Variants in PRKAR1A observed in about 807,000 individuals in gnomAD.
PRKAR1A encodes the protein protein kinase cAMP-dependent type I regulatory subunit alpha, also known as cAMP-dependent protein kinase type I-alpha regulatory subunit.
A neutral mutation model predicts 52.0 loss-of-function variants in PRKAR1A; 3 were observed. That is an observed-to-expected ratio of 0.06 (90% CI 0.03 to 0.15). The LOEUF is 0.15. Among genes scored for constraint, PRKAR1A ranks in the 10% least tolerant of loss-of-function variants. The pLI, the probability that PRKAR1A is intolerant of heterozygous loss-of-function variation, is 1.00. For missense variants in PRKAR1A, 240 were observed against 477.4 expected (o/e 0.50, Z 4.63); for synonymous variants, 188 against 168.4 (o/e 1.12, Z -0.90).
the PRKAR1A span, chr17:68,426,253 G>GGGGGGGGGGGA: frequency 1.2e-6 from 1 of 841,018 alleles, no homozygotes. Context: ...GGGGAGCGGG[G>GGGGGGGGGGGA]GCTCAAATAA....
chr17:68,541,677 TC>T (rs2086301962), intron 11 of PRKAR1A: 2 of 277,340 alleles, frequency 7.2e-6, no homozygotes, highest in Admixed American at 4.7e-5. Flanking sequence ...TGCTGTGTTT[TC>T]GTGATCTGGC....
At chr17:68,465,625 A>ATTTTTTTTTTT in the PRKAR1A span, among the ~76,000 whole-genome samples, 8,656 of 66,830 alleles carry the variant, frequency 0.13, 1,782 homozygotes, top group Non-Finnish European at 0.15. Flanking sequence ...ACGCCCAGCA[A>ATTTTTTTTTTT]TTTTTTTTTT....
chr17:68,535,305 CATG>C, downstream of PRKAR1A: 1 of 454,072 alleles, frequency 2.2e-6, no homozygotes, highest in Non-Finnish European at 4.4e-6. Context: ...TACCACATAT[CATG>C]GTGAAATTCA....
chr17:68,486,494 CTTCCTTCCTTCCTTCTTTCTTTCT>C, the PRKAR1A span, among the ~76,000 whole-genome samples: 3,460 of 64,306 alleles, frequency 0.054, 53 homozygotes, highest in Non-Finnish European at 0.059. Flanking sequence ...TCCTTCCTTC[CTTCCTTCCTTCCTTCTTTCTTTCT>C]TTCTTTCTTT....
At chr17:68,421,656 C>G in the PRKAR1A span, 6 of 1,455,304 alleles carry the variant, frequency 4.1e-6, no homozygotes, top group Non-Finnish European at 5.8e-6. Context: ...AGTGGAGCAC[C>G]CGGGATTCCT....
At chr17:68,497,513 T>C in the PRKAR1A span, among the ~76,000 whole-genome samples, 1 of 152,202 alleles carries the variant, frequency 6.6e-6, no homozygotes, top group Non-Finnish European at 1.5e-5. Context: ...TTTTAAGCTT[T>C]ATTTGATTAT....
At chr17:68,474,502 C>A in the PRKAR1A span, among the ~76,000 whole-genome samples, 1 of 152,144 alleles carries the variant, frequency 6.6e-6, no homozygotes, top group African/African-American at 2.4e-5. Flanking sequence ...AGTCTGGCAA[C>A]AGGAAGGCAG....
chr17:68,531,523 A>G lies in PRKAR1A; in HGVS notation c.*1074A>G, dbSNP rs1349458148. On this transcript the variant is annotated 3_prime_UTR_variant, in exon 11 of 11. Transcript: ENST00000589228. ...TTTTCCCCGTGACATTCACTGGGGC[A>G]TGAGATTTTGGAAGAAGTTTTTTAC... 1 of 1,066,294 alleles carries G rather than the reference A, an allele frequency of 9.4e-7. No individual in the cohort carries two copies. Among genetic ancestry groups the G allele is most frequent in the Non-Finnish European group, 1.1e-6 (1 of 879,606 alleles). 66.1% of individuals were successfully genotyped at this position (1,066,294 alleles called of 1,614,324 possible). A position where few individuals can be genotyped will look rare whatever the true frequency, so the allele number is the denominator to read the frequency against.
the PRKAR1A span, among the ~76,000 whole-genome samples, chr17:68,468,844 A>C: frequency 6.6e-6 from 1 of 152,184 alleles, no homozygotes; most frequent in Non-Finnish European, 1.5e-5. Context: ...AACATCAAGC[A>C]GACAAGACAT....
chr17:68,473,630 C>A, the PRKAR1A span, among the ~76,000 whole-genome samples: 1 of 152,170 alleles, frequency 6.6e-6, no homozygotes, highest in Non-Finnish European at 1.5e-5. Flanking sequence ...TCAAGCAATT[C>A]TCCTGCTTCA....
the PRKAR1A span, among the ~76,000 whole-genome samples, chr17:68,486,465 CTTTCTCTCCTTCCT>C: frequency 7.2e-6 from 1 of 138,638 alleles, no homozygotes; most frequent in African/African-American, 2.7e-5. Flanking sequence ...TTCTTTCTTT[CTTTCTCTCCTTCCT>C]TCCTTCCTTC....
the PRKAR1A span, among the ~76,000 whole-genome samples, chr17:68,465,162 G>A: frequency 6.6e-6 from 1 of 151,756 alleles, no homozygotes; most frequent in Non-Finnish European, 1.5e-5. Flanking sequence ...TCCATCACCT[G>A]ACCTCGTGAT....
At position 68,543,601 on chromosome 17, in the gene PRKAR1A, A is replaced by G. The variant is rs776757736; in HGVS notation, c.974-7483A>G. Reference sequence around the variant, plus strand: ...CCCAGAGGATTGGTCCTTATAGGCAATGCCATCTCCATGGGGCCAGACCCT... The same window carrying G: ...CCCAGAGGATTGGTCCTTATAGGCAGTGCCATCTCCATGGGGCCAGACCCT... On this transcript the variant is annotated intron_variant, in intron 11 of 11. Coordinates refer to the PRKAR1A transcript ENST00000585981. 5 of 1,604,310 alleles carry G rather than the reference A, an allele frequency of 3.1e-6. No homozygotes were observed. The Admixed American group carries it at 6.7e-5, about 21-fold the overall frequency.
the PRKAR1A span, among the ~76,000 whole-genome samples, chr17:68,436,723 T>C: frequency 6.6e-6 from 1 of 152,172 alleles, no homozygotes; most frequent in Admixed American, 6.5e-5. Flanking sequence ...CAATGAGACT[T>C]GCCGGGCACA....
intron 11 of PRKAR1A, chr17:68,540,935 C>T (rs1568720641): frequency 6.3e-7 from 1 of 1,596,872 alleles, no homozygotes. Flanking sequence ...CACTGTGTCA[C>T]AGTAAAGGGG....
the PRKAR1A span, among the ~76,000 whole-genome samples, chr17:68,433,761 T>G: frequency 2.8e-3 from 17 of 6,090 alleles, no homozygotes; most frequent in African/African-American, 0.014. Context: ...AGGGTCATAG[T>G]TTTTTTTTTT....
At chr17:68,540,901 G>C (rs760324379) in intron 11 of PRKAR1A, 1 of 1,605,014 alleles carries the variant, frequency 6.2e-7, no homozygotes, top group Admixed American at 1.7e-5. Flanking sequence ...GCCGCTGGCT[G>C]TTGTTGTACG....
the PRKAR1A span, among the ~76,000 whole-genome samples, chr17:68,448,795 G>C: frequency 4.6e-5 from 7 of 152,204 alleles, no homozygotes; most frequent in Non-Finnish European, 1.0e-4. Context: ...AACTTAATCT[G>C]CTACCAACAG....
chr17:68,426,338 C>T, the PRKAR1A span, among the ~76,000 whole-genome samples: 3 of 152,086 alleles, frequency 2.0e-5, no homozygotes, highest in African/African-American at 7.2e-5. Flanking sequence ...TAATCCTCAC[C>T]ATCTGCCATC....
Sources: allele counts gnomAD v4.1 joint callset (sites outside exome capture counted in the v4.1 genomes callset), GRCh38; gene constraint gnomAD v4.1.1; transcripts MANE v1.5; gene names NCBI Gene and HGNC (gene_info 2026-07-23, HGNC 2026-07-21).